The following AGPAT3 variants were observed in gnomAD, a reference collection of about 807,000 sequenced individuals.
AGPAT3 encodes the protein 1-acylglycerol-3-phosphate O-acyltransferase 3.
Under a neutral mutation model 47.3 loss-of-function variants are expected in AGPAT3, and 5 were observed. That is an observed-to-expected ratio of 0.11 (90% CI 0.06 to 0.22). The LOEUF is 0.22. AGPAT3 is among the 10% of genes least tolerant of loss of function. The pLI, the probability that AGPAT3 is intolerant of heterozygous loss-of-function variation, is 1.00. For synonymous variants in AGPAT3, 212 were observed against 208.3 expected, an observed-to-expected ratio of 1.02 and a Z score of -0.15; for missense variants, 315 against 493.0, an observed-to-expected ratio of 0.64 and a Z score of 3.42.
chr21:43,868,690 C>T (rs1242452933), intron 1 of AGPAT3, among the ~76,000 whole-genome samples: 2 of 152,186 alleles, frequency 1.3e-5, no homozygotes, highest in Admixed American at 1.3e-4. Context: ...TGAGTACCGG[C>T]GCTGCAGCCA....
intron 1 of AGPAT3, among the ~76,000 whole-genome samples, chr21:43,879,771 T>A (rs2085816097): frequency 1.3e-5 from 2 of 152,176 alleles, no homozygotes; most frequent in African/African-American, 4.8e-5. Flanking sequence ...CGCCCGGGGA[T>A]GATGGCACTT....
rs1001808162 is a variant in AGPAT3 at position 43,936,506 on chromosome 21, C to T, written c.-48-23128C>T. 5.9e-5 allele frequency among the ~76,000 whole-genome samples: 9 copies of T among 152,356 alleles called. No individual in the cohort carries two copies. The East Asian group carries it at 1.5e-3, about 26-fold the overall frequency. Reference sequence around the variant, plus strand: ...AAGCTGCAAGTTTTAGTTGTCTCCTCATGTACAAGGATTTCTCCGGCAGAG... The same window carrying T: ...AAGCTGCAAGTTTTAGTTGTCTCCTTATGTACAAGGATTTCTCCGGCAGAG... On this transcript the variant is annotated intron_variant, in intron 2 of 9. Transcript: ENST00000291572.
chr21:43,946,711 C>T (rs747229710), intron 2 of AGPAT3, among the ~76,000 whole-genome samples: 4 of 152,022 alleles, frequency 2.6e-5, no homozygotes, highest in Non-Finnish European at 5.9e-5. Context: ...ACGCGTAGTT[C>T]GTTGTAAGAA....
chr21:43,919,609 A>G (rs779023672), intron 2 of AGPAT3, among the ~76,000 whole-genome samples: 112 of 152,128 alleles, frequency 7.4e-4, no homozygotes, highest in Non-Finnish European at 1.3e-3. Context: ...AAACATGCAT[A>G]TGTCTTTTTC....
At chr21:43,893,090 G>A (rs2086135454) in intron 1 of AGPAT3, among the ~76,000 whole-genome samples, 1 of 152,140 alleles carries the variant, frequency 6.6e-6, no homozygotes, top group South Asian at 2.1e-4. Flanking sequence ...GTGACACCCT[G>A]TCTCAAAAAG....
intron 1 of AGPAT3, among the ~76,000 whole-genome samples, chr21:43,868,875 T>TG (rs2085564070): frequency 1.3e-5 from 2 of 152,134 alleles, no homozygotes; most frequent in African/African-American, 4.8e-5. Flanking sequence ...GGAAACTGAG[T>TG]GGGGAAGTGT....
rs150880354 is a variant in AGPAT3 at position 43,952,434 on chromosome 21, G to A, written c.-48-7200G>A. The stretch of plus-strand genomic sequence containing the variant: ...ACTCAGTTCACCCTAACAAAAGGTG[G>A]CAGAATTGGGTGTGGGCGTGTGGGG... On this transcript the variant is annotated intron_variant, in intron 2 of 9. Coordinates refer to ENST00000291572, the MANE Select transcript of AGPAT3 (RefSeq NM_020132.5). This position sits in a 1 kb window ranked among gnomAD's most constrained non-coding sequence, Gnocchi z 5.6. Among the ~76,000 whole-genome samples, 433 of 152,336 alleles carry A rather than the reference G, an allele frequency of 2.8e-3. No homozygotes were observed. The highest frequency in any genetic ancestry group is 9.6e-3 in the African/African-American group (400 of 41,588).
chr21:43,982,159 AC>A lies in AGPAT3; in HGVS notation c.1043-143del. 1.5e-6 allele frequency: 1 copy of A among 653,076 alleles called. No homozygotes were observed. Among genetic ancestry groups the A allele is most frequent in the Admixed American group, 2.4e-5 (1 of 41,610 alleles). 40.5% of individuals were successfully genotyped at this position (653,076 alleles called of 1,614,324 possible). ...AGAGGGCTGTCTCCCCGCGGGCCAC[AC>A]CTACTCACTGACAGCAGAGGCCACT... is the stretch of plus-strand genomic sequence containing the variant. On this transcript the variant is annotated intron_variant, in intron 9 of 9. Coordinates refer to ENST00000291572, the MANE Select transcript of AGPAT3 (RefSeq NM_020132.5). This position sits in a 1 kb window ranked among gnomAD's most constrained non-coding sequence, Gnocchi z 6.2.
chr21:43,893,083 A>G (rs1601235124), intron 1 of AGPAT3, among the ~76,000 whole-genome samples: 1 of 152,176 alleles, frequency 6.6e-6, no homozygotes, highest in Admixed American at 6.5e-5. Flanking sequence ...CAACCGAGTG[A>G]CACCCTGTCT....
chr21:43,972,019 C>T (rs963705196), intron 7 of AGPAT3, among the ~76,000 whole-genome samples: 4 of 152,230 alleles, frequency 2.6e-5, no homozygotes, highest in Non-Finnish European at 4.4e-5. Context: ...ACCTGCGGAG[C>T]CCCTGGCCTG....
chr21:43,963,444 T>G (rs891732313), intron 3 of AGPAT3, among the ~76,000 whole-genome samples: 4 of 152,120 alleles, frequency 2.6e-5, no homozygotes, highest in African/African-American at 9.7e-5. Flanking sequence ...GCGCGGTGGC[T>G]CACGCCTCTA....
At chr21:43,914,533 TTTTTGTTTTGTTTTG>T (rs550805908) in intron 2 of AGPAT3, among the ~76,000 whole-genome samples, 2,426 of 152,032 alleles carry the variant, frequency 0.016, 72 homozygotes, top group African/African-American at 0.055. Context: ...GTAGAGGTTT[TTTTTGTTTTGTTTTG>T]TTTTGTTTTG....
intron 1 of AGPAT3, among the ~76,000 whole-genome samples, chr21:43,893,893 C>T (rs548599246): frequency 1.3e-5 from 2 of 152,302 alleles, no homozygotes; most frequent in Admixed American, 6.5e-5. Context: ...GTATAACAAT[C>T]ATGAAAAAGT....
intron 2 of AGPAT3, among the ~76,000 whole-genome samples, chr21:43,907,534 G>A (rs997727049): frequency 6.6e-6 from 1 of 152,106 alleles, no homozygotes; most frequent in Non-Finnish European, 1.5e-5. Flanking sequence ...TGGCTAACAC[G>A]GTGAAACCCC....
chr21:43,873,306 G>A (rs1484073724), intron 1 of AGPAT3, among the ~76,000 whole-genome samples: 3 of 152,202 alleles, frequency 2.0e-5, no homozygotes, highest in Admixed American at 6.5e-5. Flanking sequence ...ACATGTGTGC[G>A]CCTCCGGAGG....
At position 43,934,712 on chromosome 21, in the gene AGPAT3, G is replaced by A. The variant is rs564469802; in HGVS notation, c.-48-24922G>A. ...AGCACGAGGAGGCCACGTGCCCATG[G>A]TGGAGGAGCCACAGCACAAAGCAAG... On this transcript the variant is annotated intron_variant, in intron 2 of 9. Transcript: ENST00000291572. This position sits in a 1 kb window ranked among gnomAD's most constrained non-coding sequence, Gnocchi z 4.7. Among the ~76,000 whole-genome samples, 5 of 152,218 alleles carry A rather than the reference G, an allele frequency of 3.3e-5. No homozygotes were observed. The highest frequency in any genetic ancestry group is 1.2e-4 in the African/African-American group (5 of 41,518).
intron 1 of AGPAT3, among the ~76,000 whole-genome samples, chr21:43,887,298 G>T (rs184640413): frequency 1.2e-4 from 18 of 152,322 alleles, no homozygotes; most frequent in Admixed American, 1.0e-3. Flanking sequence ...TGTTCTGGAT[G>T]AAAAGACCCC....
intron 1 of AGPAT3, among the ~76,000 whole-genome samples, chr21:43,869,204 C>A (rs763975805): frequency 6.6e-6 from 1 of 152,130 alleles, no homozygotes; most frequent in Non-Finnish European, 1.5e-5. Flanking sequence ...CAGCTTTTTA[C>A]GGTACACTTG....
At position 43,897,124 on chromosome 21, in the gene AGPAT3, C is replaced by T. The variant is rs568860280; in HGVS notation, c.-111-6833C>T. 2.7e-3 allele frequency among the ~76,000 whole-genome samples: 411 copies of T among 151,808 alleles called. 1 individual carries two copies. Among genetic ancestry groups the T allele is most frequent in the Middle Eastern group, 0.014 (4 of 294 alleles). ...CTGCGGCCTTCCGCAGTGTTTGTGTCCCTGGGTACTTGAGATTAGGGAGTG... is the reference window on the plus strand; with the variant it reads ...CTGCGGCCTTCCGCAGTGTTTGTGTTCCTGGGTACTTGAGATTAGGGAGTG... On this transcript the variant is annotated intron_variant, in intron 1 of 9. Coordinates refer to ENST00000291572, the MANE Select transcript of AGPAT3 (RefSeq NM_020132.5).
Sources: gnomAD v4.1 joint callset for allele counts (sites outside exome capture counted in the v4.1 genomes callset) on GRCh38, gnomAD v4.1.1 for gene constraint, Gnocchi (gnomAD v3.1) non-coding constraint, MANE v1.5 for transcripts, NCBI Gene and HGNC (gene_info 2026-07-23, HGNC 2026-07-21) for gene names.